COL14A1: variants seen among roughly 807,000 people sequenced by gnomAD.
COL14A1 encodes collagen type XIV alpha 1 chain, also known as collagen alpha-1(XIV) chain.
A neutral mutation model predicts 230.3 loss-of-function variants in COL14A1; 136 were observed. The observed-to-expected ratio is 0.59, with a 90% CI of 0.51 to 0.68. The LOEUF is 0.68. COL14A1 is among the 30% of genes least tolerant of loss of function. The probability of loss-of-function intolerance (pLI) is 0.00; values close to 1 mark genes in which losing one functional copy is unlikely to be tolerated. For synonymous variants in COL14A1, 792 were observed against 784.1 expected (o/e 1.01, Z -0.17); for missense variants, 1,976 against 2,215.8 (o/e 0.89, Z 2.17).
At chr8:120,141,183 GA>G (rs1814895851) in intron 1 of COL14A1, among the ~76,000 whole-genome samples, 2 of 152,084 alleles carry the variant, frequency 1.3e-5, no homozygotes, top group African/African-American at 4.8e-5. Context: ...AAAAGCTTGG[GA>G]AAACTGAAAT....
chr8:120,194,988 A>G (rs868569254), intron 5 of COL14A1, among the ~76,000 whole-genome samples: 5 of 152,306 alleles, frequency 3.3e-5, no homozygotes, highest in Middle Eastern at 3.4e-3. Flanking sequence ...ATGGCTCTGT[A>G]TTTGGTGATT....
rs189920979 is a variant in COL14A1 at position 120,303,648 on chromosome 8, T to C, written c.4401+2830T>C. Reference sequence around the variant, plus strand: ...CTGGATTCAGTTTGCAAGTATTTTGTTGAAGAATTTTGAATTGATGTTCAT... The same window carrying C: ...CTGGATTCAGTTTGCAAGTATTTTGCTGAAGAATTTTGAATTGATGTTCAT... On this transcript the variant is annotated intron_variant, in intron 36 of 47. Coordinates refer to ENST00000297848, the MANE Select transcript of COL14A1 (RefSeq NM_021110.4). Among the ~76,000 whole-genome samples the C allele has an allele frequency of 1.2e-4, 19 of 152,338 alleles. No homozygotes were observed. The East Asian group carries it at 2.5e-3, about 20-fold the overall frequency.
Position 120,283,633 on chromosome 8 carries a change from C to T in COL14A1, c.3825-3C>T, listed in dbSNP as rs865914810. ...TGAAACATGGTTTTCTTTCTATGTT[C>T]AGGTACTTGCACCCAGAAGGATTGC... On this transcript the variant is annotated splice_polypyrimidine_tract_variant and splice_region_variant and intron_variant, in intron 31 of 47. Coordinates refer to ENST00000297848, the MANE Select transcript of COL14A1 (RefSeq NM_021110.4). The T allele has an allele frequency of 1.9e-6, 3 of 1,600,796 alleles. No homozygotes were observed. The Middle Eastern group carries it at 5.0e-4, about 269-fold the overall frequency.
intron 34 of COL14A1, among the ~76,000 whole-genome samples, chr8:120,296,762 A>G (rs912810358): frequency 1.3e-4 from 19 of 151,954 alleles, no homozygotes; most frequent in African/African-American, 4.3e-4. Flanking sequence ...ACCAACATAC[A>G]TGAGTGGAGC....
At position 120,345,478 on chromosome 8, in the gene COL14A1, A is replaced by G; in HGVS notation, c.4992A>G (p.Ser1664=). Residue 1664 remains serine (S), a synonymous_variant, in exon 45 of 48, where the codon TCA becomes TCG. Transcript: ENST00000297848. ...GPPGEPGRPG[S]PGAPGEQGPP... is the part of the protein sequence containing the mutation. ...CTGGGGAGCCTGGGAGGCCAGGCTC[A>G]CCTGGAGCCCCTGGTGAACAAGGAC... 1 of 1,603,578 alleles carries G rather than the reference A, an allele frequency of 6.2e-7. No homozygotes were observed. Among genetic ancestry groups the G allele is most frequent in the Non-Finnish European group, 8.5e-7 (1 of 1,175,334 alleles).
chr8:120,296,781 C>T (rs766321416), intron 34 of COL14A1, among the ~76,000 whole-genome samples: 3 of 151,918 alleles, frequency 2.0e-5, no homozygotes, highest in Non-Finnish European at 4.4e-5. Context: ...GCAAGCCTGT[C>T]TAAATATTTA....
At chr8:120,192,750 T>G (rs1482285112) in intron 5 of COL14A1, among the ~76,000 whole-genome samples, 2 of 152,182 alleles carry the variant, frequency 1.3e-5, no homozygotes, top group Non-Finnish European at 2.9e-5. Context: ...CATTTCTTTT[T>G]ATTCTTTTTT....
intron 1 of COL14A1, among the ~76,000 whole-genome samples, chr8:120,141,122 G>T (rs1814894176): frequency 6.6e-6 from 1 of 152,110 alleles, no homozygotes; most frequent in African/African-American, 2.4e-5. Context: ...TAATAGCATT[G>T]GGATTTTTCT....
intron 23 of COL14A1, among the ~76,000 whole-genome samples, chr8:120,255,582 G>C (rs187296861): frequency 2.6e-5 from 4 of 152,252 alleles, no homozygotes; most frequent in African/African-American, 7.2e-5. Context: ...TATAGCCATA[G>C]TGCTGATTTT....
rs533083332 is a variant in COL14A1 at position 120,203,730 on chromosome 8, A to C, written c.899A>C (p.Asn300Thr). 1.2e-6 allele frequency: 2 copies of C among 1,613,834 alleles called. No homozygotes were observed. The highest frequency in any genetic ancestry group is 2.2e-5 in the South Asian group (2 of 91,048). Residue 300 changes from asparagine to threonine, a missense_variant, in exon 9 of 48, where the codon AAT (asparagine) becomes ACT (threonine). Physicochemically the swap from Asn to Thr is moderately conservative, Grantham distance 65. Coordinates refer to ENST00000297848, the MANE Select transcript of COL14A1 (RefSeq NM_021110.4). The stretch of plus-strand genomic sequence containing the variant: ...TAAGGGGTGAAAAACGCGGATGTGA[A>C]TGAGCTGCAGGAGATCGCCTCTGAA... Reference protein sequence around the residue: ...FAIGVKNADVNELQEIASEPD... With the variant: ...FAIGVKNADVTELQEIASEPD...
chr8:120,359,071 T>A (rs1304638578), intron 45 of COL14A1, among the ~76,000 whole-genome samples: 3 of 152,162 alleles, frequency 2.0e-5, no homozygotes, highest in Admixed American at 6.5e-5. Flanking sequence ...TATCGTTTTT[T>A]TTTTTATGTT....
intron 40 of COL14A1, among the ~76,000 whole-genome samples, chr8:120,320,909 G>A (rs981038691): frequency 6.6e-6 from 1 of 152,124 alleles, no homozygotes; most frequent in Non-Finnish European, 1.5e-5. Context: ...GAATAACTAC[G>A]AATGCTAGTC....
At chr8:120,218,258 GTC>G (rs1817825800) in intron 14 of COL14A1, among the ~76,000 whole-genome samples, 1 of 101,576 alleles carries the variant, frequency 9.8e-6, no homozygotes. Context: ...ATAAGTATAT[GTC>G]TATATATATA....
chr8:120,196,821 T>C lies in COL14A1; in HGVS notation c.467T>C (p.Ile156Thr), dbSNP rs544217331. 1 of 1,613,980 alleles carries C rather than the reference T, an allele frequency of 6.2e-7. No homozygotes were observed. The highest frequency in any genetic ancestry group is 1.1e-5 in the South Asian group (1 of 91,004). ...EVKFVCQTPA[I>T]ADIVILVDGS... Reference sequence around the variant, plus strand: ...AAATTTGTCTGTCAAACTCCAGCAATTGCTGACATTGTAATCCTGGTCGAT... The same window carrying C: ...AAATTTGTCTGTCAAACTCCAGCAACTGCTGACATTGTAATCCTGGTCGAT... The change falls in exon 6 of 48, where the codon ATT becomes ACT. Residue 156 changes from isoleucine to threonine, a missense_variant. By Grantham distance (89) the Ile-to-Thr change is moderately conservative (BLOSUM62 -1). Coordinates refer to ENST00000297848, the MANE Select transcript of COL14A1 (RefSeq NM_021110.4).
intron 1 of COL14A1, among the ~76,000 whole-genome samples, chr8:120,129,580 C>A (rs751607506): frequency 6.6e-6 from 1 of 152,112 alleles, no homozygotes; most frequent in African/African-American, 2.4e-5. Flanking sequence ...AAATTCCTTG[C>A]GTTTGAGTGA....
At chr8:120,343,569 A>C (rs1174170890) in intron 44 of COL14A1, among the ~76,000 whole-genome samples, 1 of 152,188 alleles carries the variant, frequency 6.6e-6, no homozygotes, top group African/African-American at 2.4e-5. Context: ...TAAGGCAAAA[A>C]CATCAGGGCA....
At chr8:120,159,059 T>C (rs1323151115) in intron 3 of COL14A1, among the ~76,000 whole-genome samples, 1 of 152,188 alleles carries the variant, frequency 6.6e-6, no homozygotes, top group Non-Finnish European at 1.5e-5. Flanking sequence ...TCAAGTTTCT[T>C]CTATACAATG....
Position 120,162,419 on chromosome 8 carries a change from AT to A in COL14A1, c.206-5del. 3.1e-6 allele frequency: 5 copies of A among 1,592,048 alleles called. No individual in the cohort carries two copies. The highest frequency in any genetic ancestry group is 4.3e-6 in the Non-Finnish European group (5 of 1,172,476). ...TAGAACTGATTTATTTTTCTCTTTT[AT>A]TATAGGTGGAAAAACTAACCAGCTG... On this transcript the variant is annotated splice_polypyrimidine_tract_variant and splice_region_variant and intron_variant, in intron 3 of 47. Transcript: ENST00000297848.
At chr8:120,126,618 T>C (rs1323229666) in intron 1 of COL14A1, among the ~76,000 whole-genome samples, 1 of 152,136 alleles carries the variant, frequency 6.6e-6, no homozygotes, top group African/African-American at 2.4e-5. Context: ...TTGGGGCCCC[T>C]CCTCTACTGA....
Sources: gnomAD v4.1 joint callset for allele counts (sites outside exome capture counted in the v4.1 genomes callset) on GRCh38, gnomAD v4.1.1 for gene constraint, MANE v1.5 for transcripts, NCBI Gene and HGNC (gene_info 2026-07-23, HGNC 2026-07-21) for gene names.